The following TCP11L2 variants were observed in gnomAD, a reference collection of about 807,000 sequenced individuals.
TCP11L2 encodes T-complex protein 11-like protein 2.
TCP11L2 carries 39 observed loss-of-function variants against 50.7 expected under a neutral mutation model. The observed-to-expected ratio is 0.77, with a 90% confidence interval of 0.60 to 1.01. The LOEUF (loss-of-function observed/expected upper bound fraction) is 1.01, where lower values mean the gene tolerates loss of function less well. Among genes scored for constraint, TCP11L2 ranks in the 50% least tolerant of loss-of-function variants. The probability of loss-of-function intolerance (pLI) is 0.00; values close to 1 mark genes in which losing one functional copy is unlikely to be tolerated. For synonymous variants in TCP11L2, 192 were observed against 219.3 expected, an observed-to-expected ratio of 0.88 and a Z score of 1.10; for missense variants, 612 against 614.7, an observed-to-expected ratio of 1.00 and a Z score of 0.05.
At position 106,323,628 on chromosome 12, in the gene TCP11L2, A is replaced by G; in HGVS notation, c.754A>G (p.Ile252Val). 6.2e-7 allele frequency: 1 copy of G among 1,601,164 alleles called. No homozygotes were observed. The highest frequency in any genetic ancestry group is 2.3e-5 in the East Asian group (1 of 44,344). The change falls in exon 6 of 10, where the codon ATT (isoleucine) becomes GTT (valine). Residue 252 changes from isoleucine (I) to valine (V), a missense_variant. By Grantham distance (29) the Ile-to-Val change is conservative. Transcript: ENST00000299045. The part of the protein sequence containing the change: ...VEYERTKFQE[I>V]LEETPSALDQ... The stretch of plus-strand genomic sequence containing the variant: ...ATATGAGAGAACCAAGTTCCAGGAA[A>G]TTTTGGAAGAAACTCCAAGTGAGTA...
chr12:106,306,109 G>T (rs2034622964), intron 1 of TCP11L2, among the ~76,000 whole-genome samples: 2 of 152,228 alleles, frequency 1.3e-5, no homozygotes, highest in South Asian at 4.1e-4. Context: ...AAGAGTTCTT[G>T]TAATAGAGTG....
At chr12:106,329,249 C>T in intron 6 of TCP11L2, 5 of 1,504,118 alleles carry the variant, frequency 3.3e-6, no homozygotes, top group Non-Finnish European at 3.6e-6. Flanking sequence ...GTACTTGGTA[C>T]AATACCTGGG....
In TCP11L2 at chr12:106,318,368, T is replaced by A. The variant is rs2035181664; in HGVS notation, c.318T>A (p.Ile106=). 6.2e-7 allele frequency: 1 copy of A among 1,613,938 alleles called. No individual in the cohort carries two copies. Among genetic ancestry groups the A allele is most frequent in the Non-Finnish European group, 8.5e-7 (1 of 1,179,840 alleles). Residue 106 remains isoleucine, a synonymous_variant, in exon 4 of 10, where the codon ATT becomes ATA. Transcript: ENST00000299045. Reference sequence around the variant, plus strand: ...GTTTGGCTGGTCGAGTGAAGCACATTGTTCACCAGGCCTTCTGGGACGTCT... The same window carrying A: ...GTTTGGCTGGTCGAGTGAAGCACATAGTTCACCAGGCCTTCTGGGACGTCT... ...EKSLAGRVKH[I]VHQAFWDVLD...
In TCP11L2 at chr12:106,346,574, G is replaced by A. The variant is rs2036241142; in HGVS notation, c.*44G>A. 2 of 1,579,642 alleles carry A rather than the reference G, an allele frequency of 1.3e-6. No homozygotes were observed. The highest frequency in any genetic ancestry group is 1.7e-6 in the Non-Finnish European group (2 of 1,166,024). ...CGAGAGATTGGAAATCCAGTACTTT[G>A]GTATCCAGTCCACTTCCATTGATGG... On this transcript the variant is annotated 3_prime_UTR_variant, in exon 10 of 10. Coordinates refer to ENST00000299045, the MANE Select transcript of TCP11L2 (RefSeq NM_152772.3).
chr12:106,301,411 C>G (rs114690512), upstream of TCP11L2, among the ~76,000 whole-genome samples: 1,295 of 152,280 alleles, frequency 8.5e-3, 15 homozygotes, highest in African/African-American at 0.03. Context: ...ACTTTATCCT[C>G]AAAATAACCC....
intron 7 of TCP11L2, 89 bp from the exon 8 acceptor site, chr12:106,335,943 A>T (rs2035902967): frequency 6.7e-7 from 1 of 1,498,470 alleles, no homozygotes; most frequent in South Asian, 1.3e-5. Context: ...TCAGATAAAA[A>T]TGGGAATTTG....
intron 3 of TCP11L2, 87 bp from the exon 4 acceptor site, chr12:106,318,257 T>C: frequency 1.4e-6 from 2 of 1,461,194 alleles, no homozygotes; most frequent in Non-Finnish European, 1.9e-6. Context: ...TTTTACATTT[T>C]ATAAGATTTC....
chr12:106,315,005 C>CAAA lies in TCP11L2; in HGVS notation c.293+528_293+530dup, dbSNP rs11450523. Reference sequence around the variant, plus strand: ...TGGGTGACAGAGCAAGACCCTGTCTCAAAAAAAAAAAAAAAAAATTCCTGT... The same window carrying CAAA: ...TGGGTGACAGAGCAAGACCCTGTCTCAAAAAAAAAAAAAAAAAAAAATTCCTGT... On this transcript the variant is annotated intron_variant, in intron 3 of 9. Coordinates refer to ENST00000299045, the MANE Select transcript of TCP11L2 (RefSeq NM_152772.3). Among the ~76,000 whole-genome samples, 128 of 126,006 alleles carry CAAA rather than the reference C, an allele frequency of 1.0e-3. 3 individuals carry two copies. The East Asian group carries it at 0.02, about 20-fold the overall frequency. 82.7% of individuals were successfully genotyped at this position (126,006 alleles called of 152,430 possible). A position where few individuals can be genotyped will look rare whatever the true frequency, so the allele number is the denominator to read the frequency against.
At chr12:106,310,196 A>G (rs1305732166) in intron 1 of TCP11L2, among the ~76,000 whole-genome samples, 4 of 152,216 alleles carry the variant, frequency 2.6e-5, no homozygotes, top group Non-Finnish European at 4.4e-5. Flanking sequence ...AACACTGGAC[A>G]TAGACACCAA....
At chr12:106,334,032 A>T (rs941954007) in intron 6 of TCP11L2, among the ~76,000 whole-genome samples, 2 of 152,182 alleles carry the variant, frequency 1.3e-5, no homozygotes, top group African/African-American at 4.8e-5. Flanking sequence ...AGAGTACCAA[A>T]TCAGTGGGGA....
At chr12:106,314,029 G>A (rs1280400678) in intron 2 of TCP11L2, among the ~76,000 whole-genome samples, 1 of 152,136 alleles carries the variant, frequency 6.6e-6, no homozygotes, top group Non-Finnish European at 1.5e-5. Context: ...GCCTCCCAAA[G>A]TGTTGGGATT....
At chr12:106,301,212 A>AT (rs1196118049), upstream of TCP11L2, among the ~76,000 whole-genome samples, 1 of 152,170 alleles carries the variant, frequency 6.6e-6, no homozygotes, top group Admixed American at 6.5e-5. Flanking sequence ...CTTCTATTTA[A>AT]TCTCTTAACC....
upstream of TCP11L2, among the ~76,000 whole-genome samples, chr12:106,299,770 G>T (rs910822789): frequency 6.6e-6 from 1 of 152,134 alleles, no homozygotes; most frequent in Non-Finnish European, 1.5e-5. Flanking sequence ...GATGAGTCCC[G>T]TATAGCTAAA....
At chr12:106,331,299 T>C (rs893525957) in intron 6 of TCP11L2, among the ~76,000 whole-genome samples, 2 of 151,608 alleles carry the variant, frequency 1.3e-5, no homozygotes, top group Middle Eastern at 3.2e-3. Flanking sequence ...TCCCTCAAGC[T>C]AGCACGCTAA....
chr12:106,319,841 T>C (rs1419500751), intron 4 of TCP11L2, among the ~76,000 whole-genome samples: 1 of 152,272 alleles, frequency 6.6e-6, no homozygotes. Flanking sequence ...AAGCATGTAC[T>C]GTATGGATAA....
At chr12:106,323,743 T>A (rs200198315) in intron 6 of TCP11L2, 97 bp downstream of exon 6, 1 of 380,008 alleles carries the variant, frequency 2.6e-6, no homozygotes, top group Non-Finnish European at 3.8e-6. Context: ...TTAAATTAAA[T>A]TAATAAATAA....
intron 6 of TCP11L2, among the ~76,000 whole-genome samples, chr12:106,328,137 T>TCAG (rs2035621718): frequency 6.6e-6 from 1 of 152,270 alleles, no homozygotes; most frequent in Non-Finnish European, 1.5e-5. Flanking sequence ...GAAACTCTAT[T>TCAG]GTGATTGCCT....
intron 3 of TCP11L2, among the ~76,000 whole-genome samples, chr12:106,315,266 A>G (rs2035033861): frequency 6.6e-6 from 1 of 152,082 alleles, no homozygotes; most frequent in Non-Finnish European, 1.5e-5. Context: ...AAACAAAAAA[A>G]TTCCCCTAGG....
intron 8 of TCP11L2, among the ~76,000 whole-genome samples, chr12:106,339,981 C>A (rs2036041123): frequency 6.6e-6 from 1 of 152,162 alleles, no homozygotes; most frequent in South Asian, 2.1e-4. Flanking sequence ...AAATATTAGA[C>A]ACATAGAAGT....
Sources: gnomAD v4.1 joint callset for allele counts (sites outside exome capture counted in the v4.1 genomes callset) on GRCh38, gnomAD v4.1.1 for gene constraint, MANE v1.5 for transcripts, NCBI Gene and HGNC (gene_info 2026-07-23, HGNC 2026-07-21) for gene names.